VPS13B: variants seen among roughly 807,000 people sequenced by gnomAD.
VPS13B encodes the protein vacuolar protein sorting 13 homolog B.
Under a neutral mutation model 426.4 loss-of-function variants are expected in VPS13B, and 285 were observed. The ratio of observed to expected loss-of-function variants is 0.67; its 90% CI spans 0.61 to 0.74. The LOEUF (loss-of-function observed/expected upper bound fraction) is 0.74. VPS13B is among the 30% of genes least tolerant of loss of function. The probability of loss-of-function intolerance (pLI) is 0.00; values close to 1 mark genes in which losing one functional copy is unlikely to be tolerated. For missense variants in VPS13B, 4,537 were observed against 4,782.6 expected (o/e 0.95, Z 1.51); for synonymous variants, 1,676 against 1,676.4 (o/e 1.00, Z 0.01).
chr8:99,378,719 T>C (rs145580558), intron 19 of VPS13B, among the ~76,000 whole-genome samples: 1 of 152,340 alleles, frequency 6.6e-6, no homozygotes, highest in East Asian at 1.9e-4. Context: ...TGTATTCTAA[T>C]ACCTTCAGTG....
chr8:99,849,119 A>G (rs999794096), intron 55 of VPS13B, among the ~76,000 whole-genome samples: 2 of 152,256 alleles, frequency 1.3e-5, no homozygotes, highest in Admixed American at 6.5e-5. Flanking sequence ...GGTAGGGTTA[A>G]CAAACTGATT....
chr8:99,156,641 T>A lies in VPS13B; in HGVS notation c.2106T>A (p.His702Gln). ...TGGTGGATAAAATTAATCTGGAACA[T>A]TCAGTGCCAATGTATGCTGAACAGT... ...RILVDKINLE[H>Q]SVPMYAEQLV... Residue 702 changes from histidine to glutamine, a missense_variant, in exon 15 of 62, where the codon CAT (histidine) becomes CAA (glutamine). By Grantham distance (24) the His-to-Gln change is conservative (BLOSUM62 0). Around this residue, in one of 2 missense-constraint regions of VPS13B, gnomAD observed 4,311 missense variants for 4,474.3 expected, o/e 0.96. Transcript: ENST00000357162. 1 of 1,614,122 alleles carries A rather than the reference T, an allele frequency of 6.2e-7. No homozygotes were observed. The highest frequency in any genetic ancestry group is 8.5e-7 in the Non-Finnish European group (1 of 1,179,944).
intron 2 of VPS13B, among the ~76,000 whole-genome samples, chr8:99,031,326 T>C (rs1365168584): frequency 6.6e-6 from 1 of 152,230 alleles, no homozygotes; most frequent in East Asian, 1.9e-4. Flanking sequence ...ATTAACTATC[T>C]GTATTCTTTT....
chr8:99,524,330 T>A (rs1370858605), intron 30 of VPS13B, among the ~76,000 whole-genome samples: 1 of 152,130 alleles, frequency 6.6e-6, no homozygotes, highest in Non-Finnish European at 1.5e-5. Flanking sequence ...AGGGTTATAA[T>A]AGCAAAGAAC....
chr8:99,038,384 A>G, intron 2 of VPS13B, 39 bp from the exon 3 acceptor site: 1 of 1,507,500 alleles, frequency 6.6e-7, no homozygotes, highest in Non-Finnish European at 9.0e-7. Flanking sequence ...AAAAATATTA[A>G]GCACTTACTA....
At chr8:99,836,737 C>T (rs1815412248) in intron 54 of VPS13B, among the ~76,000 whole-genome samples, 1 of 152,198 alleles carries the variant, frequency 6.6e-6, no homozygotes, top group African/African-American at 2.4e-5. Context: ...ATTAAAGTTA[C>T]AAATGCATTT....
At chr8:99,583,005 C>G (rs938897978) in intron 33 of VPS13B, among the ~76,000 whole-genome samples, 4 of 152,198 alleles carry the variant, frequency 2.6e-5, no homozygotes, top group Non-Finnish European at 1.5e-5. Context: ...TCTCTGTCTT[C>G]CCTCTCACTA....
At chr8:99,458,861 T>C (rs1481763039) in intron 23 of VPS13B, among the ~76,000 whole-genome samples, 2 of 152,254 alleles carry the variant, frequency 1.3e-5, no homozygotes, top group Non-Finnish European at 2.9e-5. Context: ...TTCTCCCATG[T>C]TGTAGGTTGC....
intron 6 of VPS13B, 61 bp from the exon 7 acceptor site, chr8:99,115,639 A>T (rs1847618693): frequency 1.5e-5 from 23 of 1,529,920 alleles, no homozygotes; most frequent in Non-Finnish European, 1.9e-5. Context: ...ACATTTCTTT[A>T]TGTAAAAAAT....
chr8:99,193,112 A>G (rs192950543), intron 17 of VPS13B, 55 bp downstream of exon 17: 401 of 1,554,344 alleles, frequency 2.6e-4, no homozygotes, highest in Non-Finnish European at 2.8e-4. Context: ...AGAGGCAACT[A>G]ATATTTTATT....
rs1455223469 is a variant in VPS13B at position 99,161,702 on chromosome 8, ACC to A, written c.2208+4960_2208+4961del. On this transcript the variant is annotated intron_variant, in intron 15 of 61. Coordinates refer to ENST00000357162, the MANE Select transcript of VPS13B (RefSeq NM_152564.5). Reference sequence around the variant, plus strand: ...GAATAGCATTAATATGCGTGGGAAAACCATTCCCTGGTGTTAAGTGTACTAAA... The same window carrying A: ...GAATAGCATTAATATGCGTGGGAAAAATTCCCTGGTGTTAAGTGTACTAAA... 6.3e-3 allele frequency among the ~76,000 whole-genome samples: 942 copies of A among 150,406 alleles called. 7 individuals carry two copies. The highest frequency in any genetic ancestry group is 0.022 in the African/African-American group (883 of 40,950).
chr8:99,639,430 A>T (rs1038646933), intron 33 of VPS13B, among the ~76,000 whole-genome samples: 56 of 152,210 alleles, frequency 3.7e-4, no homozygotes, highest in Middle Eastern at 3.4e-3. Flanking sequence ...CACAGTATAG[A>T]CTGCATAGTT....
At chr8:99,814,108 C>A (rs2130800630) in intron 44 of VPS13B, among the ~76,000 whole-genome samples, 1 of 152,158 alleles carries the variant, frequency 6.6e-6, no homozygotes, top group East Asian at 1.9e-4. Context: ...CCACTGCATT[C>A]CACCTTGGGT....
chr8:99,079,873 C>T (rs556694231), intron 3 of VPS13B, among the ~76,000 whole-genome samples: 14 of 150,328 alleles, frequency 9.3e-5, no homozygotes, highest in Non-Finnish European at 1.9e-4. Flanking sequence ...TGTGGTGAGC[C>T]GAGATGGCGC....
At chr8:99,629,457 T>C (rs1466211442) in intron 33 of VPS13B, among the ~76,000 whole-genome samples, 2 of 152,098 alleles carry the variant, frequency 1.3e-5, no homozygotes, top group African/African-American at 4.8e-5. Flanking sequence ...AAAATTGCAG[T>C]ATATATACTA....
At chr8:99,305,482 T>A (rs1266728019) in intron 19 of VPS13B, among the ~76,000 whole-genome samples, 1 of 152,086 alleles carries the variant, frequency 6.6e-6, no homozygotes, top group East Asian at 1.9e-4. Context: ...CAGCAGATTT[T>A]GATATCCACT....
chr8:99,530,524 GAATC>G lies in VPS13B; in HGVS notation c.4745+9515_4745+9518del, dbSNP rs1358764942. 1.1e-4 allele frequency among the ~76,000 whole-genome samples: 16 copies of G among 151,344 alleles called. 1 individual carries two copies. In the South Asian group the frequency reaches 3.3e-3, roughly 32 times the overall value. ...AGCTACTTGGGAGGCTGAGACAGGA[GAATC>G]GCTTGAATCTGGGAGGTGGAGGTTG... On this transcript the variant is annotated intron_variant, in intron 30 of 61. Transcript: ENST00000357162.
intron 22 of VPS13B, among the ~76,000 whole-genome samples, chr8:99,436,931 G>A (rs1817411030): frequency 6.6e-6 from 1 of 152,076 alleles, no homozygotes. Context: ...AGTAGAGACG[G>A]AGTTTCACCG....
intron 23 of VPS13B, among the ~76,000 whole-genome samples, chr8:99,445,230 T>C (rs1563734122): frequency 6.7e-6 from 1 of 148,574 alleles, no homozygotes; most frequent in Non-Finnish European, 1.5e-5. Context: ...ATATTTATAT[T>C]ATAAATTTAT....
Sources: gnomAD v4.1 joint callset for allele counts (sites outside exome capture counted in the v4.1 genomes callset) on GRCh38, gnomAD v4.1.1 for gene constraint, gnomAD v4.1.1 regional missense constraint, MANE v1.5 for transcripts, NCBI Gene and HGNC (gene_info 2026-07-23, HGNC 2026-07-21) for gene names.